The following AGBL4 variants were observed in gnomAD, a reference collection of about 807,000 sequenced individuals.
AGBL4 encodes AGBL carboxypeptidase 4.
Under a neutral mutation model 66.4 loss-of-function variants are expected in AGBL4, and 58 were observed. The observed-to-expected ratio is 0.87, with a 90% CI of 0.71 to 1.09. The LOEUF (loss-of-function observed/expected upper bound fraction) is 1.09. AGBL4 is among the 50% of genes least tolerant of loss of function. The pLI is 0.00. For missense variants in AGBL4, 579 were observed against 631.0 expected, an observed-to-expected ratio of 0.92 and a Z score of 0.88; for synonymous variants, 234 against 222.9, an observed-to-expected ratio of 1.05 and a Z score of -0.44.
chr1:49,333,466 G>T (rs771318714), intron 3 of AGBL4, among the ~76,000 whole-genome samples: 11 of 152,162 alleles, frequency 7.2e-5, no homozygotes, highest in African/African-American at 1.2e-4. Context: ...AACAGAGCGA[G>T]ACTCTGTCTC....
At position 49,482,365 on chromosome 1, in the gene AGBL4, G is replaced by A. The variant is rs1429966493; in HGVS notation, c.282+214948C>T. Among the ~76,000 whole-genome samples, 4 of 151,944 alleles carry A rather than the reference G, an allele frequency of 2.6e-5. No individual in the cohort carries two copies. The East Asian group carries it at 5.8e-4, about 22-fold the overall frequency. Reference sequence around the variant, plus strand: ...CAGTTTCTTCCTGGTTCAGTCATGCGAGGGTGTAAGTGCCCAGGGATTTAT... The same window carrying A: ...CAGTTTCTTCCTGGTTCAGTCATGCAAGGGTGTAAGTGCCCAGGGATTTAT... On this transcript the variant is annotated intron_variant, in intron 3 of 13. Coordinates refer to ENST00000371839, the MANE Select transcript of AGBL4 (RefSeq NM_032785.4).
intron 2 of AGBL4, among the ~76,000 whole-genome samples, chr1:49,807,238 A>G (rs554750717): frequency 6.6e-6 from 1 of 152,236 alleles, no homozygotes; most frequent in Admixed American, 6.5e-5. Flanking sequence ...GGTGACTCCA[A>G]CCCTTGAAAG....
At chr1:49,424,989 C>T (rs532869105) in intron 3 of AGBL4, among the ~76,000 whole-genome samples, 9 of 152,254 alleles carry the variant, frequency 5.9e-5, no homozygotes, top group Admixed American at 5.2e-4. Flanking sequence ...GATGAGTCAA[C>T]TTTACTCTAA....
chr1:49,942,912 TAA>T (rs1464647979), intron 1 of AGBL4, among the ~76,000 whole-genome samples: 1 of 152,092 alleles, frequency 6.6e-6, no homozygotes, highest in Non-Finnish European at 1.5e-5. Flanking sequence ...ATATATCTGA[TAA>T]GAGGTTAATA....
intron 1 of AGBL4, among the ~76,000 whole-genome samples, chr1:49,987,092 A>G (rs1438981699): frequency 1.3e-5 from 2 of 152,010 alleles, no homozygotes; most frequent in East Asian, 3.9e-4. Flanking sequence ...CACTCAAGGG[A>G]AAAAAACAGA....
chr1:48,726,425 A>G (rs985234843), intron 6 of AGBL4, among the ~76,000 whole-genome samples: 3 of 152,222 alleles, frequency 2.0e-5, no homozygotes, highest in African/African-American at 7.2e-5. Flanking sequence ...AACATATCTT[A>G]TCAAATATTT....
chr1:49,260,240 T>G (rs1286329512), intron 3 of AGBL4, among the ~76,000 whole-genome samples: 1 of 151,228 alleles, frequency 6.6e-6, no homozygotes, highest in Non-Finnish European at 1.5e-5. Context: ...AGATCACAAT[T>G]AAAAGAACTA....
intron 6 of AGBL4, among the ~76,000 whole-genome samples, chr1:48,811,801 T>A (rs544009520): frequency 2.0e-5 from 3 of 152,090 alleles, no homozygotes; most frequent in African/African-American, 7.2e-5. Context: ...ATAGGGTATG[T>A]ACGGAGTGGG....
chr1:48,719,412 C>T lies in AGBL4; in HGVS notation c.635-56171G>A, dbSNP rs751010550. ...GGCATCTGCCCCTCATCATCTCTCA[C>T]CTGAGTTATTCCCCCAATAGCCTTC... is the stretch of plus-strand genomic sequence containing the variant. On this transcript the variant is annotated intron_variant, in intron 6 of 13. Coordinates refer to ENST00000371839, the MANE Select transcript of AGBL4 (RefSeq NM_032785.4). 1.6e-4 allele frequency among the ~76,000 whole-genome samples: 24 copies of T among 152,326 alleles called. No homozygotes were observed. In the Middle Eastern group the frequency reaches 0.014, roughly 86 times the overall value.
At chr1:49,779,736 C>T (rs563333165) in intron 2 of AGBL4, among the ~76,000 whole-genome samples, 1 of 152,192 alleles carries the variant, frequency 6.6e-6, no homozygotes, top group East Asian at 1.9e-4. Flanking sequence ...CCCCATGAAG[C>T]TTGCCAGGAA....
intron 8 of AGBL4, among the ~76,000 whole-genome samples, chr1:48,647,186 G>A (rs185851849): frequency 1.3e-5 from 2 of 152,208 alleles, no homozygotes; most frequent in African/African-American, 4.8e-5. Context: ...CCACCATGGG[G>A]TCTGCAGTTC....
intron 1 of AGBL4, among the ~76,000 whole-genome samples, chr1:50,022,893 C>T (rs1439851120): frequency 6.6e-6 from 1 of 152,152 alleles, no homozygotes; most frequent in Non-Finnish European, 1.5e-5. Context: ...CCTTTGCTTT[C>T]TTCTATGACC....
chr1:48,703,846 A>G (rs1032571253), intron 6 of AGBL4, among the ~76,000 whole-genome samples: 2 of 152,246 alleles, frequency 1.3e-5, no homozygotes, highest in Admixed American at 1.3e-4. Context: ...AGAAGTAAAA[A>G]ATTATTGCTT....
intron 6 of AGBL4, among the ~76,000 whole-genome samples, chr1:48,862,446 C>T (rs566352678): frequency 5.8e-4 from 88 of 152,246 alleles, no homozygotes; most frequent in African/African-American, 1.9e-3. Context: ...CTCAGCCTCC[C>T]GAGTAGATGG....
intron 2 of AGBL4, among the ~76,000 whole-genome samples, chr1:49,725,710 G>T (rs1223359438): frequency 7.2e-6 from 1 of 138,232 alleles, no homozygotes; most frequent in Non-Finnish European, 1.5e-5. Flanking sequence ...TTTTGAGATG[G>T]GTCTTGCTCT....
intron 3 of AGBL4, among the ~76,000 whole-genome samples, chr1:49,404,505 T>C (rs1645154797): frequency 6.6e-6 from 1 of 152,242 alleles, no homozygotes; most frequent in African/African-American, 2.4e-5. Flanking sequence ...TACATCATTG[T>C]ACTTTCTCTG....
chr1:50,012,456 C>T (rs1007297257), intron 1 of AGBL4, among the ~76,000 whole-genome samples: 4 of 151,730 alleles, frequency 2.6e-5, no homozygotes, highest in African/African-American at 9.7e-5. Context: ...ATCACATGTA[C>T]CCTAATAAAT....
intron 3 of AGBL4, chr1:49,423,072 G>T (rs1420465953): frequency 6.6e-6 from 1 of 152,120 alleles, no homozygotes; most frequent in African/African-American, 2.4e-5. Context: ...CCTCCAATAG[G>T]ATGCAAAGGT....
intron 3 of AGBL4, among the ~76,000 whole-genome samples, chr1:49,476,977 C>T (rs990195182): frequency 2.0e-5 from 3 of 152,086 alleles, no homozygotes; most frequent in Admixed American, 6.5e-5. Flanking sequence ...GATGAAACTT[C>T]TCTGCCTGTG....
Sources: allele counts gnomAD v4.1 joint callset (sites outside exome capture counted in the v4.1 genomes callset), GRCh38; gene constraint gnomAD v4.1.1; transcripts MANE v1.5; gene names NCBI Gene and HGNC (gene_info 2026-07-23, HGNC 2026-07-21).